Variants in GPC1 observed in about 807,000 individuals in gnomAD.
GPC1 encodes glypican 1.
In GPC1, 26 loss-of-function variants were observed where a neutral mutation model predicts 51.5. The ratio of observed to expected loss-of-function variants is 0.50; its 90% CI spans 0.37 to 0.70. The LOEUF is 0.70. Ranked by LOEUF, GPC1 falls within the 30% of genes least tolerant of loss-of-function variation. The pLI, the probability that GPC1 is intolerant of heterozygous loss-of-function variation, is 0.00. For missense variants in GPC1, 775 were observed against 800.5 expected (o/e 0.97, Z 0.38); for synonymous variants, 380 against 348.3 (o/e 1.09, Z -1.01).
intron 1 of GPC1, among the ~76,000 whole-genome samples, chr2:240,443,198 C>T (rs1559194217): frequency 6.6e-6 from 1 of 152,222 alleles, no homozygotes; most frequent in Admixed American, 6.5e-5. Context: ...CTCCAGGTTG[C>T]GTTGCGGGAG....
chr2:240,461,288 C>G (rs913411219), intron 2 of GPC1, among the ~76,000 whole-genome samples: 4 of 152,186 alleles, frequency 2.6e-5, no homozygotes, highest in Admixed American at 1.3e-4. Context: ...AGATCTCAGG[C>G]TTGACGGCCC....
chr2:240,438,409 G>A (rs1023689666), intron 1 of GPC1, among the ~76,000 whole-genome samples: 12 of 152,166 alleles, frequency 7.9e-5, no homozygotes, highest in African/African-American at 2.4e-4. Context: ...CTGCTTTGTC[G>A]GCTGGGCCTG....
intron 2 of GPC1, among the ~76,000 whole-genome samples, chr2:240,461,730 C>T (rs2074217687): frequency 6.6e-6 from 1 of 152,130 alleles, no homozygotes; most frequent in Non-Finnish European, 1.5e-5. Context: ...TGGAGACTCG[C>T]AGGGCAGGCG....
Position 240,464,213 on chromosome 2 carries a change from G to A in GPC1, c.884-403G>A, listed in dbSNP as rs914652597. ...CACATGAACTAAGGTGTACATGGGG[G>A]GGGCATGAGGTAAGCCAGCATGCAT... On this transcript the variant is annotated intron_variant, in intron 4 of 8. Transcript: ENST00000264039. 6 of 261,368 alleles carry A rather than the reference G, an allele frequency of 2.3e-5. No individual in the cohort carries two copies. The Admixed American group carries it at 2.7e-4, about 12-fold the overall frequency. 16.2% of individuals were successfully genotyped at this position (261,368 alleles called of 1,614,324 possible). A position where few individuals can be genotyped will look rare whatever the true frequency, so the allele number is the denominator to read the frequency against.
intron 2 of GPC1, among the ~76,000 whole-genome samples, chr2:240,460,888 C>G (rs2074209729): frequency 6.6e-6 from 1 of 152,244 alleles, no homozygotes; most frequent in East Asian, 1.9e-4. Context: ...GCCCCTGGGT[C>G]TTTGTCTGCA....
In GPC1 at chr2:240,464,621, A is replaced by T; in HGVS notation, c.889A>T (p.Met297Leu). Residue 297 changes from methionine to leucine, a missense_variant, in exon 5 of 9, where the codon ATG (methionine) becomes TTG (leucine). Physicochemically the swap from Met to Leu is conservative, Grantham distance 15. Transcript: ENST00000264039. Reference sequence around the variant, plus strand: ...CGTGTTAACGCCTGTCCTAGACTCCATGGTGCTCATCACCGACAAGTTCTG... The same window carrying T: ...CGTGTTAACGCCTGTCCTAGACTCCTTGGTGCTCATCACCGACAAGTTCTG... ...DAEWRNLLDS[M>L]VLITDKFWGT... 6.2e-7 allele frequency: 1 copy of T among 1,605,588 alleles called. No individual in the cohort carries two copies. Among genetic ancestry groups the T allele is most frequent in the Non-Finnish European group, 8.5e-7 (1 of 1,176,274 alleles).
chr2:240,457,492 C>A (rs1160923682), intron 1 of GPC1: 2 of 469,656 alleles, frequency 4.3e-6, no homozygotes, highest in Non-Finnish European at 8.9e-6. Context: ...TCCTGGGTCC[C>A]CACCCCAGAT....
At chr2:240,461,484 G>A (rs779462642) in intron 2 of GPC1, among the ~76,000 whole-genome samples, 1 of 152,094 alleles carries the variant, frequency 6.6e-6, no homozygotes, top group Non-Finnish European at 1.5e-5. Context: ...CCCGGGGTAC[G>A]GGGGCTTTTC....
chr2:240,464,286 G>C (rs2074241357), intron 4 of GPC1: 1 of 348,020 alleles, frequency 2.9e-6, no homozygotes, highest in African/African-American at 2.1e-5. Context: ...GGACCAAGGT[G>C]AGCCAGCGTA....
intron 1 of GPC1, chr2:240,457,846 A>G (rs2151794631): frequency 2.9e-6 from 1 of 339,096 alleles, no homozygotes; most frequent in South Asian, 2.2e-5. Flanking sequence ...GTCCCAGAAC[A>G]GGATGAGACA....
rs1559195822 is a variant in GPC1 at position 240,448,373 on chromosome 2, G to T, written c.167-10657G>T. Among the ~76,000 whole-genome samples the T allele has an allele frequency of 6.6e-6, 1 of 151,954 alleles. No individual in the cohort carries two copies. The highest frequency in any genetic ancestry group is 1.5e-5 in the Non-Finnish European group (1 of 67,988). ...TCCCTCTGTCTGCCAGGCAGTCCGG[G>T]TGTAGATAGTCCCTGCCAGGCAGTC... On this transcript the variant is annotated intron_variant, in intron 1 of 8. Transcript: ENST00000264039. This position sits in a 1 kb window ranked among gnomAD's most constrained non-coding sequence, Gnocchi z 4.5.
At chr2:240,458,968 G>A (rs1032736327) in intron 1 of GPC1, 62 bp from the exon 2 acceptor site, 4 of 1,497,308 alleles carry the variant, frequency 2.7e-6, no homozygotes, top group Non-Finnish European at 2.8e-6. Context: ...GAGCCTGAGG[G>A]TGCCCTCCTG....
chr2:240,445,836 G>A (rs572183185), intron 1 of GPC1, among the ~76,000 whole-genome samples: 3 of 152,274 alleles, frequency 2.0e-5, no homozygotes, highest in South Asian at 2.1e-4. Context: ...GGAAAACGGC[G>A]TCCTCTCACT....
intron 4 of GPC1, chr2:240,463,804 G>T: frequency 4.2e-6 from 2 of 477,712 alleles, no homozygotes; most frequent in Non-Finnish European, 7.5e-6. Flanking sequence ...ATGCCAACAC[G>T]TGTGACTCAT....
At chr2:240,451,863 C>G (rs779799393) in intron 1 of GPC1, 3 of 153,284 alleles carry the variant, frequency 2.0e-5, no homozygotes, top group Non-Finnish European at 4.4e-5. Context: ...CTGGCGTCTG[C>G]CGGCAGGATG....
rs113952311 is a variant in GPC1, at chr2:240,439,135, A to G, written c.166+3051A>G. ...CTGTTTGCTCCTTTGCTGGGGTCTC[A>G]GCGCCCCACCTTGGCACCTGAGCTC... On this transcript the variant is annotated intron_variant, in intron 1 of 8. Coordinates refer to ENST00000264039, the MANE Select transcript of GPC1 (RefSeq NM_002081.3). Among the ~76,000 whole-genome samples, 70 of 152,182 alleles carry G rather than the reference A, an allele frequency of 4.6e-4. 1 individual carries two copies. Among genetic ancestry groups the G allele is most frequent in the African/African-American group, 1.6e-3 (68 of 41,512 alleles).
At chr2:240,452,649 C>T (rs956013335) in intron 1 of GPC1, among the ~76,000 whole-genome samples, 1 of 151,886 alleles carries the variant, frequency 6.6e-6, no homozygotes, top group Non-Finnish European at 1.5e-5. Context: ...CCGGCCTCGG[C>T]GGCGGGCAGG....
In GPC1 at chr2:240,459,018, C is replaced by T. The variant is rs961565482; in HGVS notation, c.167-12C>T. On this transcript the variant is annotated splice_polypyrimidine_tract_variant and intron_variant, in intron 1 of 8. Coordinates refer to ENST00000264039, the MANE Select transcript of GPC1 (RefSeq NM_002081.3). ...CCCAGCCCCTCTCCCTCACACTGGC[C>T]TTTCCCCACAGGTGAGCACCTGCGG... 1.2e-6 allele frequency: 2 copies of T among 1,611,672 alleles called. No homozygotes were observed. Among genetic ancestry groups the T allele is most frequent in the Non-Finnish European group, 1.7e-6 (2 of 1,179,090 alleles).
intron 1 of GPC1, among the ~76,000 whole-genome samples, chr2:240,437,875 G>C (rs973312175): frequency 1.3e-5 from 2 of 152,238 alleles, no homozygotes; most frequent in Admixed American, 6.5e-5. Context: ...ACTGTTGCCA[G>C]TTAGAGAGAC....
Sources: allele counts gnomAD v4.1 joint callset (sites outside exome capture counted in the v4.1 genomes callset), GRCh38; gene constraint gnomAD v4.1.1; non-coding constraint Gnocchi (gnomAD v3.1); transcripts MANE v1.5; gene names NCBI Gene and HGNC (gene_info 2026-07-23, HGNC 2026-07-21).